Variants in CHST9 observed in about 807,000 individuals in gnomAD.
CHST9 encodes the protein GalNAc-4-sulfotransferase 2.
A neutral mutation model predicts 44.4 loss-of-function variants in CHST9; 41 were observed. That is an observed-to-expected ratio of 0.92 (90% CI 0.72 to 1.20). CHST9 has a LOEUF of 1.20. Among genes scored for constraint, CHST9 ranks in the 50% most tolerant of loss-of-function variants. CHST9 has a pLI of 0.00. For missense variants in CHST9, 504 were observed against 516.5 expected (o/e 0.98, Z 0.23); for synonymous variants, 171 against 178.4 (o/e 0.96, Z 0.33).
chr18:27,073,598 G>A (rs774831773), intron 2 of CHST9, among the ~76,000 whole-genome samples: 4 of 151,982 alleles, frequency 2.6e-5, no homozygotes, highest in East Asian at 1.9e-4. Flanking sequence ...GGTTCCTAGG[G>A]GTAATGGAGA....
chr18:26,935,971 A>C (rs1234905425), intron 5 of CHST9: 1 of 152,218 alleles, frequency 6.6e-6, no homozygotes, highest in Non-Finnish European at 1.5e-5. Flanking sequence ...GTGACTTTCT[A>C]TCTCTAGTGG....
chr18:27,119,010 C>T (rs1467723925), intron 2 of CHST9, among the ~76,000 whole-genome samples: 1 of 152,018 alleles, frequency 6.6e-6, no homozygotes, highest in Non-Finnish European at 1.5e-5. Context: ...TAGCAATTTC[C>T]TTTTTCTTTT....
intron 2 of CHST9, among the ~76,000 whole-genome samples, chr18:27,081,338 G>A (rs1044358962): frequency 2.0e-5 from 3 of 151,864 alleles, no homozygotes; most frequent in Non-Finnish European, 4.4e-5. Context: ...GTGAGACCCT[G>A]ACTCAAAAAA....
At chr18:27,098,649 G>T (rs758116634) in intron 2 of CHST9, among the ~76,000 whole-genome samples, 4 of 152,088 alleles carry the variant, frequency 2.6e-5, no homozygotes, top group African/African-American at 9.7e-5. Flanking sequence ...CATTTCCTTT[G>T]CAGGAACATG....
chr18:27,061,617 A>G (rs2057722486), intron 2 of CHST9, among the ~76,000 whole-genome samples: 2 of 152,054 alleles, frequency 1.3e-5, no homozygotes, highest in Admixed American at 6.6e-5. Flanking sequence ...GGAGGAGGGG[A>G]CCAGATTGCA....
At chr18:27,116,218 T>A (rs1454086606) in intron 2 of CHST9, among the ~76,000 whole-genome samples, 1 of 152,164 alleles carries the variant, frequency 6.6e-6, no homozygotes, top group Non-Finnish European at 1.5e-5. Flanking sequence ...TCATGAAGAT[T>A]TATGATTATG....
At chr18:27,070,183 A>G (rs992692969) in intron 2 of CHST9, among the ~76,000 whole-genome samples, 1 of 152,198 alleles carries the variant, frequency 6.6e-6, no homozygotes, top group African/African-American at 2.4e-5. Flanking sequence ...CCTAAGTTTG[A>G]CAATTAACAA....
At chr18:27,063,758 T>C (rs909718469) in intron 2 of CHST9, among the ~76,000 whole-genome samples, 2 of 152,192 alleles carry the variant, frequency 1.3e-5, no homozygotes, top group African/African-American at 2.4e-5. Context: ...CTATTTGCTA[T>C]AGATTTTTTT....
Position 26,943,600 on chromosome 18 carries a change from G to T in CHST9, c.240+729C>A, listed in dbSNP as rs373830713. Among the ~76,000 whole-genome samples, 242 of 152,342 alleles carry T rather than the reference G, an allele frequency of 1.6e-3. 4 individuals are homozygous for T. The South Asian group carries it at 0.039, about 25-fold the overall frequency. The stretch of plus-strand genomic sequence containing the variant: ...CATATTTTTCCACAGGTCAATGTCT[G>T]CATTCTCTGACTCTAGTGGCACAGG... On this transcript the variant is annotated intron_variant, in intron 5 of 5. Coordinates refer to ENST00000618847, the MANE Select transcript of CHST9 (RefSeq NM_031422.6).
At chr18:27,028,417 G>C (rs2143481795) in intron 3 of CHST9, among the ~76,000 whole-genome samples, 1 of 152,262 alleles carries the variant, frequency 6.6e-6, no homozygotes, top group South Asian at 2.1e-4. Flanking sequence ...TCCACAGGAG[G>C]GATCAGGAGT....
chr18:27,076,321 C>T (rs2057903147), intron 2 of CHST9, among the ~76,000 whole-genome samples: 1 of 152,070 alleles, frequency 6.6e-6, no homozygotes, highest in African/African-American at 2.4e-5. Context: ...AAAGGACTGA[C>T]TTGTTATTAA....
intron 4 of CHST9, among the ~76,000 whole-genome samples, chr18:26,985,713 A>T (rs1342879052): frequency 6.6e-6 from 1 of 152,214 alleles, no homozygotes; most frequent in African/African-American, 2.4e-5. Context: ...TGCATATGTC[A>T]TAATGACCCA....
At position 27,115,817 on chromosome 18, in the gene CHST9, C is replaced by CT. The variant is rs200655011; in HGVS notation, c.121+26871dup. ...TGTGAGCCACCATGTCCAGCCCTGTCTTTTTTATTTTAGCCATTCCTAGGA... is the reference window on the plus strand; with the variant it reads ...TGTGAGCCACCATGTCCAGCCCTGTCTTTTTTTATTTTAGCCATTCCTAGGA... On this transcript the variant is annotated intron_variant, in intron 2 of 5. Transcript: ENST00000618847. Among the ~76,000 whole-genome samples the CT allele has an allele frequency of 6.6e-4, 101 of 152,228 alleles. No individual in the cohort carries two copies. In the East Asian group the frequency reaches 0.017, roughly 26 times the overall value.
At chr18:27,000,282 T>C (rs572728165) in intron 4 of CHST9, among the ~76,000 whole-genome samples, 1 of 152,236 alleles carries the variant, frequency 6.6e-6, no homozygotes, top group East Asian at 1.9e-4. Context: ...TACAGAACTC[T>C]AGATTTGTTG....
chr18:27,057,015 A>G (rs1237665414), intron 2 of CHST9, among the ~76,000 whole-genome samples: 1 of 152,204 alleles, frequency 6.6e-6, no homozygotes, highest in East Asian at 1.9e-4. Flanking sequence ...TATGGCTTAA[A>G]TTCCTATTCA....
chr18:27,006,021 T>C (rs2057011844), intron 4 of CHST9, among the ~76,000 whole-genome samples: 1 of 152,202 alleles, frequency 6.6e-6, no homozygotes, highest in Non-Finnish European at 1.5e-5. Context: ...TTCAGAATTT[T>C]TAGCTTCAAA....
At chr18:26,965,763 A>G (rs2056456944) in intron 4 of CHST9, among the ~76,000 whole-genome samples, 1 of 152,234 alleles carries the variant, frequency 6.6e-6, no homozygotes, top group Admixed American at 6.5e-5. Context: ...TAAGGGTAAG[A>G]AGATCTTATA....
chr18:27,126,862 T>C (rs2143824496), intron 2 of CHST9, among the ~76,000 whole-genome samples: 1 of 152,040 alleles, frequency 6.6e-6, no homozygotes, highest in South Asian at 2.1e-4. Context: ...AAAAGGATAA[T>C]TGTGACATAG....
At chr18:26,970,920 G>T (rs2056534299) in intron 4 of CHST9, among the ~76,000 whole-genome samples, 1 of 152,176 alleles carries the variant, frequency 6.6e-6, no homozygotes, top group Non-Finnish European at 1.5e-5. Flanking sequence ...GTGTGTGATT[G>T]AATGTTGTTC....
Sources: gnomAD v4.1 joint callset for allele counts (sites outside exome capture counted in the v4.1 genomes callset) on GRCh38, gnomAD v4.1.1 for gene constraint, MANE v1.5 for transcripts, NCBI Gene and HGNC (gene_info 2026-07-23, HGNC 2026-07-21) for gene names.